The following NEK6 variants were observed in gnomAD, a reference collection of about 807,000 sequenced individuals.
NEK6 encodes serine/threonine-protein kinase Nek6.
NEK6 carries 27 observed loss-of-function variants against 43.5 expected under a neutral mutation model. That is an observed-to-expected ratio of 0.62 (90% CI 0.46 to 0.86). The LOEUF is 0.86. Among genes scored for constraint, NEK6 ranks in the 40% least tolerant of loss-of-function variants. The pLI is 0.00. For missense variants in NEK6, 318 were observed against 414.4 expected (o/e 0.77, Z 2.02); for synonymous variants, 167 against 164.1 (o/e 1.02, Z -0.14).
chr9:124,272,903 A>T (rs1312899793), intron 1 of NEK6, among the ~76,000 whole-genome samples: 5 of 152,186 alleles, frequency 3.3e-5, no homozygotes, highest in Non-Finnish European at 2.9e-5. Context: ...ACACTATCGG[A>T]ACCACTCTGC....
At chr9:124,293,989 C>T (rs1353192401) in intron 1 of NEK6, among the ~76,000 whole-genome samples, 1 of 152,228 alleles carries the variant, frequency 6.6e-6, no homozygotes, top group Non-Finnish European at 1.5e-5. Context: ...AGCCTCCCTG[C>T]AAGCTTGGGC....
At chr9:124,313,797 G>C (rs1588499668) in intron 3 of NEK6, 126 bp from the exon 4 acceptor site, 4 of 863,300 alleles carry the variant, frequency 4.6e-6, no homozygotes, top group East Asian at 5.3e-5. Flanking sequence ...GAGTGCAGGG[G>C]GGGGTCACAG....
chr9:124,278,882 G>T (rs1588449749), intron 1 of NEK6, among the ~76,000 whole-genome samples: 2 of 152,232 alleles, frequency 1.3e-5, no homozygotes, highest in Admixed American at 1.3e-4. Flanking sequence ...CGCAGTGCTG[G>T]GGAGGATCAG....
chr9:124,273,385 T>C (rs1588443624), intron 1 of NEK6, among the ~76,000 whole-genome samples: 1 of 152,170 alleles, frequency 6.6e-6, no homozygotes, highest in Non-Finnish European at 1.5e-5. Flanking sequence ...TTTGCATGCT[T>C]GTGGAAATGG....
intron 2 of NEK6, among the ~76,000 whole-genome samples, chr9:124,309,478 C>G (rs1021128458): frequency 5.3e-5 from 8 of 152,208 alleles, no homozygotes; most frequent in African/African-American, 1.9e-4. Flanking sequence ...TCCTCCAAAC[C>G]CTTCACTGTG....
In NEK6 at chr9:124,331,275, A is replaced by AAAAAAAAC. The variant is rs540083053; in HGVS notation, c.622+3833_622+3834insAAAACAAA. On this transcript the variant is annotated intron_variant, in intron 7 of 9. Coordinates refer to ENST00000320246, the MANE Select transcript of NEK6 (RefSeq NM_014397.6). ...ACTCTGTCTCAAAAAAAAAAAAAAC[A>AAAAAAAAC]AAACATTTTGCTCATTTTGCTTTTT... Among the ~76,000 whole-genome samples, 53 of 145,702 alleles carry AAAAAAAAC rather than the reference A, an allele frequency of 3.6e-4. 1 individual carries two copies. The highest frequency in any genetic ancestry group is 1.1e-3 in the East Asian group (5 of 4,416).
chr9:124,263,900 C>T (rs901908952), intron 1 of NEK6, among the ~76,000 whole-genome samples: 3 of 152,232 alleles, frequency 2.0e-5, no homozygotes, highest in Admixed American at 6.5e-5. Context: ...AAGTCCTCGG[C>T]GTGGCATTGG....
rs1477791892 is a variant in NEK6, at chr9:124,305,565, AAAAAG to A, written c.90+3516_90+3520del. On this transcript the variant is annotated intron_variant, in intron 2 of 9. Transcript: ENST00000320246. ...TGAGACCCCATCTCAAAAAAAAAAAAAAAAGAAAAAGAAAAGAAATTCAGTGTCTG... is the reference window on the plus strand; with the variant it reads ...TGAGACCCCATCTCAAAAAAAAAAAAAAAAAGAAAAGAAATTCAGTGTCTG... 4.6e-3 allele frequency among the ~76,000 whole-genome samples: 704 copies of A among 151,608 alleles called. 10 individuals are homozygous for A. Among genetic ancestry groups the A allele is most frequent in the African/African-American group, 0.016 (661 of 41,298 alleles).
At chr9:124,338,851 A>G (rs1829422174) in intron 7 of NEK6, among the ~76,000 whole-genome samples, 1 of 152,090 alleles carries the variant, frequency 6.6e-6, no homozygotes, top group South Asian at 2.1e-4. Context: ...CAGCCTCCAC[A>G]GTGATGGTTT....
In NEK6 at chr9:124,343,305, C is replaced by T. The variant is rs761337124; in HGVS notation, c.717+3640C>T. 1.9e-5 allele frequency among the ~76,000 whole-genome samples: 1 copy of T among 52,236 alleles called. No homozygotes were observed. The highest frequency in any genetic ancestry group is 3.8e-5 in the Non-Finnish European group (1 of 26,368). 34.3% of individuals were successfully genotyped at this position (52,236 alleles called of 152,430 possible). ...GCAGCTGGGGAGGTACCGATCGCAGCGAGGGGTGGTGTGGGGGGACAGATC... is the reference window on the plus strand; with the variant it reads ...GCAGCTGGGGAGGTACCGATCGCAGTGAGGGGTGGTGTGGGGGGACAGATC... On this transcript the variant is annotated intron_variant, in intron 8 of 9. Coordinates refer to ENST00000320246, the MANE Select transcript of NEK6 (RefSeq NM_014397.6). This position sits in a 1 kb window ranked among gnomAD's most constrained non-coding sequence, Gnocchi z 5.1.
At chr9:124,257,663 G>A, upstream of NEK6, 1 of 1,526,388 alleles carries the variant, frequency 6.6e-7, no homozygotes, top group Non-Finnish European at 8.8e-7. Flanking sequence ...TTGGCTGACT[G>A]CAGACCCTCA....
At chr9:124,310,628 C>A (rs1436996544) in intron 2 of NEK6, among the ~76,000 whole-genome samples, 1 of 152,192 alleles carries the variant, frequency 6.6e-6, no homozygotes, top group Non-Finnish European at 1.5e-5. Context: ...GAGATGGAGT[C>A]TCACCGTCAC....
At chr9:124,290,946 C>G (rs930237166) in intron 1 of NEK6, among the ~76,000 whole-genome samples, 2 of 152,192 alleles carry the variant, frequency 1.3e-5, no homozygotes, top group Admixed American at 6.5e-5. Context: ...GGAACTGTGT[C>G]TGAGTCATTG....
At chr9:124,315,528 C>T (rs1422850012) in intron 4 of NEK6, among the ~76,000 whole-genome samples, 2 of 152,210 alleles carry the variant, frequency 1.3e-5, no homozygotes, top group African/African-American at 4.8e-5. Flanking sequence ...AAATATCCCT[C>T]GAAAACATTG....
At chr9:124,285,376 C>CTGCA (rs1832107270) in intron 1 of NEK6, among the ~76,000 whole-genome samples, 1 of 152,186 alleles carries the variant, frequency 6.6e-6, no homozygotes, top group Non-Finnish European at 1.5e-5. Context: ...GGCTCCCCTC[C>CTGCA]TGCAGTCTCA....
chr9:124,269,451 G>A (rs1162626492), intron 1 of NEK6, among the ~76,000 whole-genome samples: 1 of 151,470 alleles, frequency 6.6e-6, no homozygotes, highest in African/African-American at 2.4e-5. Context: ...TTGGCTTACC[G>A]CAACCTCTGC....
chr9:124,335,900 A>G (rs1246711883), intron 7 of NEK6, among the ~76,000 whole-genome samples: 2 of 152,230 alleles, frequency 1.3e-5, no homozygotes, highest in East Asian at 3.8e-4. Flanking sequence ...GCTTGAGGCC[A>G]GGAGTTTGAG....
chr9:124,268,192 G>C (rs1165498015), intron 1 of NEK6, among the ~76,000 whole-genome samples: 1 of 152,228 alleles, frequency 6.6e-6, no homozygotes, highest in African/African-American at 2.4e-5. Flanking sequence ...GGTTACTGGA[G>C]AGCCTTTATT....
In NEK6 at chr9:124,323,500, G is replaced by A. The variant is rs1055185160; in HGVS notation, c.405+1931G>A. 5.9e-5 allele frequency among the ~76,000 whole-genome samples: 9 copies of A among 152,170 alleles called. No homozygotes were observed. In the South Asian group the frequency reaches 6.2e-4, roughly 11 times the overall value. On this transcript the variant is annotated intron_variant, in intron 5 of 9. Coordinates refer to ENST00000320246, the MANE Select transcript of NEK6 (RefSeq NM_014397.6). ...TGGAAGGAGAGGTGAGGGCAGGGAC[G>A]GAGGAGGAGCAGGAGATGAAGGAGA...
Sources: gnomAD v4.1 joint callset for allele counts (sites outside exome capture counted in the v4.1 genomes callset) on GRCh38, gnomAD v4.1.1 for gene constraint, Gnocchi (gnomAD v3.1) non-coding constraint, MANE v1.5 for transcripts, NCBI Gene and HGNC (gene_info 2026-07-23, HGNC 2026-07-21) for gene names.